Variants in PACRG observed in about 807,000 individuals in gnomAD.
PACRG encodes the protein parkin coregulated gene protein.
In PACRG, 29 loss-of-function variants were observed where a neutral mutation model predicts 29.7. The observed-to-expected ratio is 0.98, with a 90% CI of 0.73 to 1.33. The LOEUF (loss-of-function observed/expected upper bound fraction) is 1.33. Ranked by LOEUF, PACRG falls within the 40% of genes most tolerant of loss-of-function variation. The pLI, the probability that PACRG is intolerant of heterozygous loss-of-function variation, is 0.00. For missense variants in PACRG, 279 were observed against 316.2 expected (o/e 0.88, Z 0.89); for synonymous variants, 116 against 118.7 (o/e 0.98, Z 0.15).
At chr6:163,106,766 A>T (rs536285355) in intron 4 of PACRG, among the ~76,000 whole-genome samples, 5 of 152,256 alleles carry the variant, frequency 3.3e-5, no homozygotes, top group Non-Finnish European at 5.9e-5. Flanking sequence ...TTCTTCATGC[A>T]CAATAGTTTG....
At chr6:163,295,177 G>C (rs1784743575) in intron 4 of PACRG, among the ~76,000 whole-genome samples, 1 of 152,272 alleles carries the variant, frequency 6.6e-6, no homozygotes, top group Non-Finnish European at 1.5e-5. Context: ...ACGTTATCTG[G>C]TTCATTATAA....
chr6:162,817,057 A>G (rs964092721), intron 2 of PACRG, among the ~76,000 whole-genome samples: 7 of 152,222 alleles, frequency 4.6e-5, no homozygotes, highest in South Asian at 2.1e-4. Flanking sequence ...AATGATGCAC[A>G]TAACTAAGTG....
At chr6:163,206,060 A>G (rs1016220565) in intron 4 of PACRG, among the ~76,000 whole-genome samples, 1 of 152,206 alleles carries the variant, frequency 6.6e-6, no homozygotes, top group South Asian at 2.1e-4. Context: ...TAAAAAAATA[A>G]CAGATGCTGA....
At chr6:162,967,750 G>T in intron 2 of PACRG, among the ~76,000 whole-genome samples, 1 of 151,756 alleles carries the variant, frequency 6.6e-6, no homozygotes, top group African/African-American at 2.4e-5. Context: ...CTCATGATCC[G>T]CCCATCTTGG....
At chr6:163,032,327 T>G (rs1424734500) in intron 2 of PACRG, among the ~76,000 whole-genome samples, 4 of 152,154 alleles carry the variant, frequency 2.6e-5, no homozygotes, top group African/African-American at 9.7e-5. Context: ...CAGCTCTCTA[T>G]GAGAGTTCTG....
chr6:163,214,537 T>C (rs1323243142), intron 4 of PACRG, among the ~76,000 whole-genome samples: 2 of 152,026 alleles, frequency 1.3e-5, no homozygotes, highest in Non-Finnish European at 2.9e-5. Flanking sequence ...AATTTATACA[T>C]CATCTTTTAA....
Position 163,021,419 on chromosome 6 carries a change from T to C in PACRG, c.292-40731T>C, listed in dbSNP as rs555055456. On this transcript the variant is annotated intron_variant, in intron 2 of 4. Coordinates refer to ENST00000366888, the MANE Select transcript of PACRG (RefSeq NM_001080379.2). ...ATTTCAACCATTTCCTTCTGTTTCCTAAATGTCTCGTGAATGTCTGTGCCT... is the reference window on the plus strand; with the variant it reads ...ATTTCAACCATTTCCTTCTGTTTCCCAAATGTCTCGTGAATGTCTGTGCCT... 5.9e-5 allele frequency among the ~76,000 whole-genome samples: 9 copies of C among 152,316 alleles called. No homozygotes were observed. In the South Asian group the frequency reaches 1.5e-3, roughly 25 times the overall value.
intron 2 of PACRG, among the ~76,000 whole-genome samples, chr6:162,874,551 A>G (rs1340557868): frequency 6.6e-6 from 1 of 152,162 alleles, no homozygotes; most frequent in Non-Finnish European, 1.5e-5. Context: ...GAGGTCGCAG[A>G]TGGAAGCACG....
chr6:162,766,815 A>C (rs778123786), intron 1 of PACRG, among the ~76,000 whole-genome samples: 12 of 152,220 alleles, frequency 7.9e-5, no homozygotes, highest in South Asian at 2.1e-4. Context: ...TAAGTCGGGC[A>C]TCTAACTCAG....
chr6:163,129,761 T>TCCTACCTCACACTCAGTTTCCTC lies in PACRG; in HGVS notation c.613+40357_613+40379dup, dbSNP rs558662317. On this transcript the variant is annotated intron_variant, in intron 4 of 4. Coordinates refer to ENST00000366888, the MANE Select transcript of PACRG (RefSeq NM_001080379.2). ...TATCCAACCTCACACTCAGTTTCCT[T>TCCTACCTCACACTCAGTTTCCTC]CCTACCTCACACTCAGTTTCCTCCC... Among the ~76,000 whole-genome samples, 62 of 152,252 alleles carry TCCTACCTCACACTCAGTTTCCTC rather than the reference T, an allele frequency of 4.1e-4. 2 individuals carry two copies. The East Asian group carries it at 0.01, about 25-fold the overall frequency.
chr6:163,191,291 C>A (rs1562956819), intron 4 of PACRG, among the ~76,000 whole-genome samples: 1 of 152,178 alleles, frequency 6.6e-6, no homozygotes, highest in Admixed American at 6.5e-5. Flanking sequence ...TACTTCCTTC[C>A]CAGGCTTCAG....
At chr6:162,809,791 G>A (rs1786675490) in intron 1 of PACRG, among the ~76,000 whole-genome samples, 1 of 152,102 alleles carries the variant, frequency 6.6e-6, no homozygotes, top group South Asian at 2.1e-4. Flanking sequence ...ACTCAGAAAG[G>A]GTGGTTAGTG....
At chr6:162,788,751 A>G (rs1440144565) in intron 1 of PACRG, among the ~76,000 whole-genome samples, 2 of 152,274 alleles carry the variant, frequency 1.3e-5, no homozygotes, top group Middle Eastern at 3.4e-3. Context: ...GCATTTCTTT[A>G]TGGCATATAA....
chr6:163,158,758 T>G (rs1396969697), intron 4 of PACRG, among the ~76,000 whole-genome samples: 1 of 152,222 alleles, frequency 6.6e-6, no homozygotes, highest in South Asian at 2.1e-4. Flanking sequence ...ACGTGCCAGG[T>G]ACCTCCTCAC....
At chr6:162,767,599 C>T (rs1782900418) in intron 1 of PACRG, among the ~76,000 whole-genome samples, 1 of 151,084 alleles carries the variant, frequency 6.6e-6, no homozygotes, top group African/African-American at 2.4e-5. Context: ...TTTCATTTAT[C>T]TTATACATTC....
rs1562765827 is a variant in PACRG at position 162,947,362 on chromosome 6, G to GAT, written c.292-114788_292-114787insAT. 2.5e-3 allele frequency among the ~76,000 whole-genome samples: 139 copies of GAT among 54,880 alleles called. 9 individuals are homozygous for GAT. Among genetic ancestry groups the GAT allele is most frequent in the African/African-American group, 9.0e-3 (125 of 13,840 alleles). 36.0% of individuals were successfully genotyped at this position (54,880 alleles called of 152,430 possible). A position where few individuals can be genotyped will look rare whatever the true frequency, so the allele number is the denominator to read the frequency against. On this transcript the variant is annotated intron_variant, in intron 2 of 4. Coordinates refer to ENST00000366888, the MANE Select transcript of PACRG (RefSeq NM_001080379.2). The stretch of plus-strand genomic sequence containing the variant: ...TATATAATGATTACATATATATAAT[G>GAT]TAATCATATATAATCATATATATAA...
intron 4 of PACRG, among the ~76,000 whole-genome samples, chr6:163,129,165 C>T (rs1219967327): frequency 2.0e-5 from 3 of 152,130 alleles, no homozygotes; most frequent in African/African-American, 4.8e-5. Context: ...CTCATTCATT[C>T]CTTAAATGAG....
At chr6:162,865,223 T>C (rs1215553605) in intron 2 of PACRG, among the ~76,000 whole-genome samples, 1 of 152,230 alleles carries the variant, frequency 6.6e-6, no homozygotes, top group African/African-American at 2.4e-5. Context: ...CTGGTCTGAA[T>C]GCTATTTGAG....
chr6:163,198,814 G>A (rs778978868), intron 4 of PACRG, among the ~76,000 whole-genome samples: 2 of 152,168 alleles, frequency 1.3e-5, no homozygotes, highest in Non-Finnish European at 2.9e-5. Flanking sequence ...TGCCCAAGGC[G>A]GTTGGGGCAC....
Sources: allele counts gnomAD v4.1 joint callset (sites outside exome capture counted in the v4.1 genomes callset), GRCh38; gene constraint gnomAD v4.1.1; transcripts MANE v1.5; gene names NCBI Gene and HGNC (gene_info 2026-07-23, HGNC 2026-07-21).